The following ABR variants were observed in gnomAD, a reference collection of about 807,000 sequenced individuals.
The protein encoded by ABR is ABR activator of RhoGEF and GTPase.
A neutral mutation model predicts 107.2 loss-of-function variants in ABR; 35 were observed. The observed-to-expected ratio is 0.33, with a 90% confidence interval of 0.25 to 0.43. The LOEUF is 0.43. ABR is among the 20% of genes least tolerant of loss of function. ABR has a pLI of 1.00. For missense variants in ABR, 815 were observed against 1,115.2 expected (o/e 0.73, Z 3.83); for synonymous variants, 498 against 462.0 (o/e 1.08, Z -1.00).
chr17:1,048,304 G>C (rs543318718), intron 16 of ABR, among the ~76,000 whole-genome samples: 2 of 152,364 alleles, frequency 1.3e-5, no homozygotes, highest in East Asian at 3.9e-4. Flanking sequence ...TGCGGCAGAG[G>C]CCAGGCCCCT....
At chr17:1,225,402 T>C (rs9674703) in intron 1 of ABR, among the ~76,000 whole-genome samples, 91,964 of 151,834 alleles carry the variant, frequency 0.61, 29,088 homozygotes, top group African/African-American at 0.78. Flanking sequence ...CCTGTAATCC[T>C]AGCACTTTGG....
chr17:1,028,938 G>A (rs1317888239), intron 16 of ABR, among the ~76,000 whole-genome samples: 1 of 151,568 alleles, frequency 6.6e-6, no homozygotes, highest in Non-Finnish European at 1.5e-5. Flanking sequence ...TGCTGCGGGG[G>A]CAGGGTGGGG....
At chr17:1,190,947 C>A (rs895343792), upstream of ABR, among the ~76,000 whole-genome samples, 1 of 152,200 alleles carries the variant, frequency 6.6e-6, no homozygotes, top group Non-Finnish European at 1.5e-5. Flanking sequence ...TGGGCCCTCA[C>A]GCTCCCAAGG....
At chr17:1,134,009 G>A (rs1030576765) in intron 1 of ABR, among the ~76,000 whole-genome samples, 2 of 152,222 alleles carry the variant, frequency 1.3e-5, no homozygotes, top group Admixed American at 6.5e-5. Context: ...GGCCGGGCGC[G>A]TGGCTCATGC....
chr17:1,012,260 A>G (rs1364979994), intron 18 of ABR: 30 of 658,878 alleles, frequency 4.6e-5, no homozygotes, highest in South Asian at 4.5e-4. Context: ...CGTCCCCCAG[A>G]TTCAGATGCT....
chr17:1,139,522 G>C (rs530680973), intron 1 of ABR, among the ~76,000 whole-genome samples: 1 of 151,840 alleles, frequency 6.6e-6, no homozygotes, highest in South Asian at 2.1e-4. Flanking sequence ...AAAATGCTGG[G>C]ATTACAGGCG....
intron 3 of ABR, among the ~76,000 whole-genome samples, chr17:1,099,844 C>T (rs931056766): frequency 2.0e-5 from 3 of 152,144 alleles, no homozygotes; most frequent in African/African-American, 7.2e-5. Flanking sequence ...AGAACACAGA[C>T]AGGCCGGGCG....
At chr17:1,112,467 C>T (rs761498739) in intron 2 of ABR, among the ~76,000 whole-genome samples, 2 of 152,152 alleles carry the variant, frequency 1.3e-5, no homozygotes, top group Non-Finnish European at 2.9e-5. Context: ...GTTGCAGTGG[C>T]GCACCTGAAA....
chr17:1,226,451 T>C (rs2043216500), intron 1 of ABR, among the ~76,000 whole-genome samples: 1 of 151,270 alleles, frequency 6.6e-6, no homozygotes, highest in African/African-American at 2.4e-5. Flanking sequence ...CAGGTGTGTA[T>C]GTGTGTGCAT....
chr17:1,123,880 C>T (rs1442246533), intron 2 of ABR, among the ~76,000 whole-genome samples: 1 of 152,214 alleles, frequency 6.6e-6, no homozygotes, highest in Non-Finnish European at 1.5e-5. Context: ...AAACCCTGCC[C>T]CCGCAGGTCC....
At chr17:1,098,234 G>A (rs1251505975) in intron 3 of ABR, among the ~76,000 whole-genome samples, 1 of 151,878 alleles carries the variant, frequency 6.6e-6, no homozygotes, top group African/African-American at 2.4e-5. Flanking sequence ...CACCACGCCC[G>A]GCTAATTTTT....
chr17:1,217,955 A>G (rs2043045461), intron 1 of ABR, among the ~76,000 whole-genome samples: 1 of 151,568 alleles, frequency 6.6e-6, no homozygotes, highest in African/African-American at 2.4e-5. Context: ...TCGGCCTCCC[A>G]AAGTGCTGGC....
At chr17:1,197,019 C>G (rs1050780231) in intron 1 of ABR, among the ~76,000 whole-genome samples, 5 of 151,676 alleles carry the variant, frequency 3.3e-5, no homozygotes, top group South Asian at 2.1e-4. Flanking sequence ...AAGGAAGGAC[C>G]CTGTGCTGCT....
chr17:1,143,818 G>C (rs950846865), intron 1 of ABR, among the ~76,000 whole-genome samples: 1 of 152,164 alleles, frequency 6.6e-6, no homozygotes, highest in Non-Finnish European at 1.5e-5. Flanking sequence ...GGCCCAGGGT[G>C]TCAGGGTGGC....
chr17:1,085,258 G>T (rs926363971), intron 4 of ABR, among the ~76,000 whole-genome samples: 2 of 151,456 alleles, frequency 1.3e-5, no homozygotes, highest in Admixed American at 1.3e-4. Context: ...GACTACAGGC[G>T]CCCGCCACCA....
chr17:1,219,109 C>A (rs2043067155), intron 1 of ABR, among the ~76,000 whole-genome samples: 1 of 152,146 alleles, frequency 6.6e-6, no homozygotes. Flanking sequence ...GTGGCGCGAT[C>A]TCGGCTCACT....
At chr17:1,089,681 C>T (rs1180444029) in intron 4 of ABR, among the ~76,000 whole-genome samples, 2 of 152,104 alleles carry the variant, frequency 1.3e-5, no homozygotes, top group African/African-American at 4.8e-5. Context: ...AAATGCAGGC[C>T]GGGCGCGGTG....
chr17:1,213,686 C>T (rs943208302), intron 1 of ABR, among the ~76,000 whole-genome samples: 7 of 152,076 alleles, frequency 4.6e-5, no homozygotes, highest in Non-Finnish European at 5.9e-5. Context: ...GCACCACGCC[C>T]GGCCAAAGGT....
chr17:1,111,431 G>T (rs2038671089), intron 2 of ABR, among the ~76,000 whole-genome samples: 1 of 152,102 alleles, frequency 6.6e-6, no homozygotes, highest in South Asian at 2.1e-4. Context: ...TGACTCACCA[G>T]TCCCCACAGC....
Sources: allele counts gnomAD v4.1 joint callset (sites outside exome capture counted in the v4.1 genomes callset), GRCh38; gene constraint gnomAD v4.1.1; transcripts MANE v1.5; gene names NCBI Gene and HGNC (gene_info 2026-07-23, HGNC 2026-07-21).